Variants in PPARGC1A observed in about 807,000 individuals in gnomAD.
PPARGC1A encodes PPARG coactivator 1 alpha.
A neutral mutation model predicts 88.7 loss-of-function variants in PPARGC1A; 25 were observed. The ratio of observed to expected loss-of-function variants is 0.28; its 90% CI spans 0.21 to 0.39. The LOEUF is 0.39. PPARGC1A is among the 10% of genes least tolerant of loss of function. The pLI is 1.00. For synonymous variants in PPARGC1A, 363 were observed against 355.6 expected, an observed-to-expected ratio of 1.02 and a Z score of -0.24; for missense variants, 880 against 968.7, an observed-to-expected ratio of 0.91 and a Z score of 1.22.
the PPARGC1A span, among the ~76,000 whole-genome samples, chr4:24,057,163 C>A: frequency 6.6e-6 from 1 of 152,072 alleles, no homozygotes; most frequent in African/African-American, 2.4e-5. Flanking sequence ...TTGGATGAAA[C>A]TTAAAGACAT....
chr4:24,026,738 T>A, the PPARGC1A span, among the ~76,000 whole-genome samples: 5 of 152,108 alleles, frequency 3.3e-5, no homozygotes, highest in Non-Finnish European at 7.4e-5. Flanking sequence ...CAACAGGCAA[T>A]CATCTGCAGT....
the PPARGC1A span, among the ~76,000 whole-genome samples, chr4:24,375,929 G>GTGGGTA: frequency 6.6e-6 from 1 of 151,998 alleles, no homozygotes; most frequent in African/African-American, 2.4e-5. Context: ...CAGGCCCACA[G>GTGGGTA]TGACTTGCCA....
At chr4:24,131,740 T>G in the PPARGC1A span, among the ~76,000 whole-genome samples, 2 of 152,208 alleles carry the variant, frequency 1.3e-5, no homozygotes, top group Non-Finnish European at 2.9e-5. Flanking sequence ...CTTGGTTCTC[T>G]TCTTTTAAAA....
At chr4:23,846,936 T>G (rs1728427167) in intron 2 of PPARGC1A, among the ~76,000 whole-genome samples, 1 of 152,210 alleles carries the variant, frequency 6.6e-6, no homozygotes, top group East Asian at 1.9e-4. Context: ...GGTTTCATAC[T>G]GGGATAAAGG....
At chr4:24,372,943 C>CAG in the PPARGC1A span, among the ~76,000 whole-genome samples, 1 of 152,168 alleles carries the variant, frequency 6.6e-6, no homozygotes, top group Non-Finnish European at 1.5e-5. Flanking sequence ...TTTCTAGAAT[C>CAG]CTTAAGAGCA....
the PPARGC1A span, among the ~76,000 whole-genome samples, chr4:24,415,161 G>C: frequency 3.3e-5 from 5 of 151,514 alleles, no homozygotes; most frequent in Admixed American, 2.0e-4. Context: ...CTGCACTCCA[G>C]CCTGGGTGAC....
chr4:23,987,649 G>A, the PPARGC1A span, among the ~76,000 whole-genome samples: 5 of 151,928 alleles, frequency 3.3e-5, no homozygotes, highest in South Asian at 2.1e-4. Context: ...CATCATCCCT[G>A]TATTCTAGCA....
the PPARGC1A span, among the ~76,000 whole-genome samples, chr4:24,377,525 G>C: frequency 6.6e-6 from 1 of 152,020 alleles, no homozygotes; most frequent in Admixed American, 6.6e-5. Context: ...CCTGATTCTC[G>C]GTTCCTGTTT....
At chr4:23,884,633 T>A in intron 2 of PPARGC1A, 119 bp downstream of exon 2, 1 of 804,786 alleles carries the variant, frequency 1.2e-6, no homozygotes, top group Non-Finnish European at 1.8e-6. Flanking sequence ...GTAACTGTGA[T>A]GAAAAGTCTT....
the PPARGC1A span, among the ~76,000 whole-genome samples, chr4:24,205,922 A>C: frequency 6.6e-6 from 1 of 152,212 alleles, no homozygotes; most frequent in African/African-American, 2.4e-5. Flanking sequence ...TCAAGATTTA[A>C]AGTAGGTTTG....
chr4:24,299,573 G>T, the PPARGC1A span, among the ~76,000 whole-genome samples: 4 of 152,278 alleles, frequency 2.6e-5, no homozygotes, highest in Middle Eastern at 6.8e-3. Flanking sequence ...ACTCCTTGGA[G>T]TCTAAAAATT....
At chr4:24,090,513 T>C in the PPARGC1A span, among the ~76,000 whole-genome samples, 1 of 152,214 alleles carries the variant, frequency 6.6e-6, no homozygotes, top group East Asian at 1.9e-4. Flanking sequence ...ACATTAAAAA[T>C]CAACTCATTC....
the PPARGC1A span, among the ~76,000 whole-genome samples, chr4:24,408,674 A>G: frequency 6.6e-6 from 1 of 152,238 alleles, no homozygotes; most frequent in Non-Finnish European, 1.5e-5. Context: ...TGGGACCTAA[A>G]GAGCTGACAC....
upstream of PPARGC1A, among the ~76,000 whole-genome samples, chr4:23,907,135 G>T (rs748113807): frequency 1.3e-5 from 2 of 152,006 alleles, no homozygotes; most frequent in Admixed American, 1.3e-4. Flanking sequence ...AAGAACAAAG[G>T]CCATTAGGGA....
At chr4:23,808,439 A>G (rs1424919353) in intron 10 of PPARGC1A, among the ~76,000 whole-genome samples, 1 of 152,108 alleles carries the variant, frequency 6.6e-6, no homozygotes, top group Non-Finnish European at 1.5e-5. Context: ...GAGCCATATC[A>G]CAATGTCTAG....
chr4:24,372,510 T>C, the PPARGC1A span, among the ~76,000 whole-genome samples: 1 of 152,214 alleles, frequency 6.6e-6, no homozygotes, highest in Non-Finnish European at 1.5e-5. Context: ...ACTCAGGGGC[T>C]GGTGGCCTTT....
the PPARGC1A span, among the ~76,000 whole-genome samples, chr4:24,408,816 T>C: frequency 0.76 from 114,969 of 152,086 alleles, 43,516 homozygotes; most frequent in East Asian, 0.79. Flanking sequence ...AGACGAAAAC[T>C]GCCCTGCCGA....
At chr4:23,858,717 AAAATTGACAGT>A (rs1290631742) in intron 2 of PPARGC1A, among the ~76,000 whole-genome samples, 1 of 152,236 alleles carries the variant, frequency 6.6e-6, no homozygotes, top group East Asian at 1.9e-4. Flanking sequence ...AGAAAGGTAG[AAAATTGACAGT>A]CAAATCTCAC....
the PPARGC1A span, among the ~76,000 whole-genome samples, chr4:24,281,764 A>G: frequency 6.7e-6 from 1 of 149,184 alleles, no homozygotes; most frequent in Non-Finnish European, 1.5e-5. Context: ...CCCACCCCCA[A>G]TCTTTTATTT....
Sources: allele counts gnomAD v4.1 joint callset (sites outside exome capture counted in the v4.1 genomes callset), GRCh38; gene constraint gnomAD v4.1.1; transcripts MANE v1.5; gene names NCBI Gene and HGNC (gene_info 2026-07-23, HGNC 2026-07-21).